Variants in TMEM52B observed in about 807,000 individuals in gnomAD.
TMEM52B encodes chromosome 12 open reading frame 59.
TMEM52B carries 11 observed loss-of-function variants against 16.1 expected under a neutral mutation model. That is an observed-to-expected ratio of 0.68 (90% CI 0.43 to 1.13). The LOEUF (loss-of-function observed/expected upper bound fraction) is 1.13. Among genes scored for constraint, TMEM52B ranks in the 50% most tolerant of loss-of-function variants. The pLI is 0.00. For missense variants in TMEM52B, 243 were observed against 230.4 expected (o/e 1.05, Z -0.35); for synonymous variants, 101 against 93.8 (o/e 1.08, Z -0.45).
At chr12:10,182,366 C>T (rs1386428278) in intron 1 of TMEM52B, 184 bp from the exon 2 acceptor site, 7 of 985,198 alleles carry the variant, frequency 7.1e-6, no homozygotes, top group Non-Finnish European at 8.4e-6. Context: ...GTTCCCTTAC[C>T]TCAAGTACAA....
At position 10,187,099 on chromosome 12, in the gene TMEM52B, G is replaced by GTTTTTTTT. The variant is rs71049057; in HGVS notation, c.307+524_307+531dup. On this transcript the variant is annotated intron_variant, in intron 4 of 4. Transcript: ENST00000543484. ...CTGTGGTTCTATTCTTTCCATGACG[G>GTTTTTTTT]TTTTTTTTTTTTTTTTTTTTTGAGA... is the stretch of plus-strand genomic sequence containing the variant. 2.2e-3 allele frequency among the ~76,000 whole-genome samples: 183 copies of GTTTTTTTT among 82,100 alleles called. 4 individuals are homozygous for GTTTTTTTT. Among genetic ancestry groups the GTTTTTTTT allele is most frequent in the Non-Finnish European group, 2.5e-3 (113 of 45,636 alleles). The allele number at this position is 82,100 out of a possible 152,430, so 53.9% of individuals were successfully genotyped here.
chr12:10,179,409 G>C lies in TMEM52B; in HGVS notation c.-166G>C. 1 of 693,328 alleles carries C rather than the reference G, an allele frequency of 1.4e-6. No individual in the cohort carries two copies. The highest frequency in any genetic ancestry group is 2.3e-5 in the Admixed American group (1 of 43,458). The allele number at this position is 693,328 out of a possible 1,614,324, so 42.9% of individuals were successfully genotyped here. A position where few individuals can be genotyped will look rare whatever the true frequency, so the allele number is the denominator to read the frequency against. ...AGCCATAGAAAATAACAGCCAGAGC[G>C]AGTAGGAGGAGACAGAGAGAACGAG... On this transcript the variant is annotated 5_prime_UTR_variant, in exon 1 of 5. Transcript: ENST00000543484.
intron 1 of TMEM52B, among the ~76,000 whole-genome samples, chr12:10,181,528 C>T (rs1483816360): frequency 6.6e-6 from 1 of 151,138 alleles, no homozygotes; most frequent in Non-Finnish European, 1.5e-5. Flanking sequence ...CGGGATTTCA[C>T]CATGTTGGCC....
upstream of TMEM52B, chr12:10,175,517 T>C (rs1948759285): frequency 6.6e-6 from 1 of 152,246 alleles, no homozygotes; most frequent in African/African-American, 2.4e-5. Context: ...TTTACCTTGC[T>C]GCTCACATAA....
rs1948797370 is a variant in TMEM52B, at chr12:10,179,524, G to A, written c.-51G>A. 6.3e-7 allele frequency: 1 copy of A among 1,581,592 alleles called. No individual in the cohort carries two copies. Among genetic ancestry groups the A allele is most frequent in the South Asian group, 1.1e-5 (1 of 90,512 alleles). ...AAAATATGGCACAGAGCATTGAAAG[G>A]AGGCAACGGATGCCCAGTGCAAGAT... On this transcript the variant is annotated 5_prime_UTR_variant, in exon 1 of 5. Transcript: ENST00000543484.
Position 10,182,600 on chromosome 12 carries a change from A to AT in TMEM52B, c.98+8dup, listed in dbSNP as rs373839066. The AT allele has an allele frequency of 7.0e-4, 1,067 of 1,534,574 alleles. No homozygotes were observed. Among genetic ancestry groups the AT allele is most frequent in the Non-Finnish European group, 8.7e-4 (1,000 of 1,145,880 alleles). On this transcript the variant is annotated splice_region_variant and intron_variant, in intron 2 of 4. Coordinates refer to ENST00000543484, the MANE Select transcript of TMEM52B (RefSeq NM_001384896.1). Reference sequence around the variant, plus strand: ...ACTGTGGTAATCCTGAACAGTAAGTATAGAGTTCAAGCTGGGAGGAAGGAG... The same window carrying AT: ...ACTGTGGTAATCCTGAACAGTAAGTATTAGAGTTCAAGCTGGGAGGAAGGAG...
intron 1 of TMEM52B, among the ~76,000 whole-genome samples, chr12:10,171,079 C>T (rs1019782888): frequency 3.3e-5 from 5 of 152,228 alleles, no homozygotes; most frequent in Middle Eastern, 3.4e-3. Flanking sequence ...AGTAAAGAAA[C>T]GAATGACTAT....
At chr12:10,185,158 A>G (rs1445856669) in intron 2 of TMEM52B, among the ~76,000 whole-genome samples, 172 bp from the exon 3 acceptor site, 2 of 152,248 alleles carry the variant, frequency 1.3e-5, no homozygotes, top group Non-Finnish European at 2.9e-5. Context: ...TATTTAAAGC[A>G]TATCATTTGG....
intron 2 of TMEM52B, among the ~76,000 whole-genome samples, chr12:10,184,903 G>T (rs1210062624): frequency 6.6e-6 from 1 of 151,826 alleles, no homozygotes; most frequent in Non-Finnish European, 1.5e-5. Flanking sequence ...TAGTAGAGAT[G>T]GGGTTTCACT....
At chr12:10,185,484 C>T (rs1195613233) in intron 3 of TMEM52B, 116 bp downstream of exon 3, 4 of 769,250 alleles carry the variant, frequency 5.2e-6, no homozygotes. Context: ...TTCATCACTA[C>T]CTATGTGACA....
At chr12:10,189,396 G>C (rs1272440049) in intron 4 of TMEM52B, among the ~76,000 whole-genome samples, 4 of 151,956 alleles carry the variant, frequency 2.6e-5, no homozygotes, top group Non-Finnish European at 5.9e-5. Context: ...GGCCAAGGCG[G>C]GTGGATCACC....
chr12:10,189,837 C>A lies in TMEM52B; in HGVS notation c.308-59C>A. The A allele has an allele frequency of 1.9e-6, 3 of 1,585,040 alleles. 1 individual carries two copies. In the South Asian group the frequency reaches 3.4e-5, roughly 18 times the overall value. The stretch of plus-strand genomic sequence containing the variant: ...CAGTTAAGTGTGAAGTAAGTCTCTG[C>A]TGTCTGAGGGTGTCCTGTTTCCCTT... On this transcript the variant is annotated intron_variant, in intron 4 of 4. Coordinates refer to ENST00000543484, the MANE Select transcript of TMEM52B (RefSeq NM_001384896.1).
At chr12:10,172,325 G>A in intron 1 of TMEM52B, 1 of 381,498 alleles carries the variant, frequency 2.6e-6, no homozygotes, top group Non-Finnish European at 4.8e-6. Flanking sequence ...ATTTCGCTAA[G>A]TAATTTATGA....
intron 3 of TMEM52B, 23 bp from the exon 4 acceptor site, chr12:10,186,397 A>G (rs1375143012): frequency 3.8e-6 from 6 of 1,582,294 alleles, no homozygotes; most frequent in Non-Finnish European, 5.2e-6. Flanking sequence ...CAGAGCTCCC[A>G]CTCGCCCCGT....
chr12:10,186,363 A>G, intron 3 of TMEM52B, 57 bp from the exon 4 acceptor site: 1 of 1,486,782 alleles, frequency 6.7e-7, no homozygotes, highest in East Asian at 2.3e-5. Context: ...TGGTTACAGC[A>G]GAGCTGGGAA....
chr12:10,176,280 CT>C (rs1212093693), upstream of TMEM52B, among the ~76,000 whole-genome samples: 1 of 151,684 alleles, frequency 6.6e-6, no homozygotes, highest in Non-Finnish European at 1.5e-5. Context: ...TAAAAACAAA[CT>C]TTTATCTTTC....
chr12:10,177,599 G>C (rs972690040), upstream of TMEM52B, among the ~76,000 whole-genome samples: 14 of 151,542 alleles, frequency 9.2e-5, no homozygotes, highest in Admixed American at 2.0e-4. Context: ...GTAAAACCTT[G>C]TCTCTACTGA....
chr12:10,176,855 A>G (rs890067828), upstream of TMEM52B, among the ~76,000 whole-genome samples: 3 of 152,222 alleles, frequency 2.0e-5, no homozygotes, highest in African/African-American at 7.2e-5. Flanking sequence ...CACACAGCTC[A>G]TAAGTGACAA....
intron 2 of TMEM52B, among the ~76,000 whole-genome samples, chr12:10,184,733 CTTTATG>C (rs1948861016): frequency 6.6e-6 from 1 of 151,968 alleles, no homozygotes; most frequent in African/African-American, 2.4e-5. Context: ...CTGAAATTTT[CTTTATG>C]TTTACATTTT....
Sources: gnomAD v4.1 joint callset for allele counts (sites outside exome capture counted in the v4.1 genomes callset) on GRCh38, gnomAD v4.1.1 for gene constraint, MANE v1.5 for transcripts, NCBI Gene and HGNC (gene_info 2026-07-23, HGNC 2026-07-21) for gene names.